SLFN11: variants seen among roughly 807,000 people sequenced by gnomAD.
SLFN11 encodes schlafen family member 11.
A neutral mutation model predicts 53.4 loss-of-function variants in SLFN11; 43 were observed. That is an observed-to-expected ratio of 0.80 (90% CI 0.63 to 1.04). The LOEUF is 1.04. Ranked by LOEUF, SLFN11 falls within the 50% of genes least tolerant of loss-of-function variation. The pLI is 0.00. For synonymous variants in SLFN11, 389 were observed against 394.7 expected (o/e 0.99, Z 0.17); for missense variants, 990 against 1,079.1 (o/e 0.92, Z 1.16).
rs1192539578 is a variant in SLFN11 at position 35,350,996 on chromosome 17, G to A, written c.*1360C>T. 1 of 152,224 alleles carries A rather than the reference G, an allele frequency of 6.6e-6. No homozygotes were observed. The highest frequency in any genetic ancestry group is 2.4e-5 in the African/African-American group (1 of 41,464). The allele number at this position is 152,224 out of a possible 1,614,324, so 9.4% of individuals were successfully genotyped here. A position where few individuals can be genotyped will look rare whatever the true frequency, so the allele number is the denominator to read the frequency against. On this transcript the variant is annotated 3_prime_UTR_variant, in exon 7 of 7. Transcript: ENST00000685675. ...TGTTAAGTATCAGTGTTTTCTGTTT[G>A]ACAAATAATCGTACAGCTGTGTTCT...
intron 5 of SLFN11, among the ~76,000 whole-genome samples, chr17:35,354,473 G>C (rs1470126586): frequency 1.3e-5 from 2 of 152,188 alleles, no homozygotes; most frequent in African/African-American, 4.8e-5. Context: ...ATTGCTGGGA[G>C]TAGCAGGAGC....
In SLFN11 at chr17:35,363,313, A is replaced by C; in HGVS notation, c.495T>G (p.Pro165=). The C allele has an allele frequency of 6.2e-7, 1 of 1,614,014 alleles. No homozygotes were observed. The highest frequency in any genetic ancestry group is 1.1e-5 in the South Asian group (1 of 91,082). The change falls in exon 4 of 7, where the codon CCT becomes CCG. Residue 165 remains proline, a synonymous_variant. Coordinates refer to ENST00000685675, the MANE Select transcript of SLFN11 (RefSeq NM_001376007.1). ...KRKPKILEEG[P]FHKIHKGVYQ... ...ATACACCCTTGTGAATTTTGTGAAAAGGTCCTTCTTCCAAGATTTTTGGCT... is the reference window on the plus strand; with the variant it reads ...ATACACCCTTGTGAATTTTGTGAAACGGTCCTTCTTCCAAGATTTTTGGCT...
In SLFN11 at chr17:35,351,391, C is replaced by T. The variant is rs969545922; in HGVS notation, c.*965G>A. On this transcript the variant is annotated 3_prime_UTR_variant, in exon 7 of 7. Transcript: ENST00000685675. ...GAATTTGGGGGTGAAGGGTGGGACACAAACATTCAGTCCATAACAATGGCC... is the reference window on the plus strand; with the variant it reads ...GAATTTGGGGGTGAAGGGTGGGACATAAACATTCAGTCCATAACAATGGCC... 6.6e-6 allele frequency: 1 copy of T among 151,956 alleles called. No homozygotes were observed. The highest frequency in any genetic ancestry group is 1.5e-5 in the Non-Finnish European group (1 of 68,000). 9.4% of individuals were successfully genotyped at this position (151,956 alleles called of 1,614,324 possible). A position where few individuals can be genotyped will look rare whatever the true frequency, so the allele number is the denominator to read the frequency against.
chr17:35,362,703 G>A, intron 4 of SLFN11, 36 bp downstream of exon 4: 1 of 1,490,378 alleles, frequency 6.7e-7, no homozygotes, highest in Non-Finnish European at 9.0e-7. Context: ...CAAGGATGTA[G>A]AAAGGACAGG....
At chr17:35,357,084 T>C (rs1306232098) in intron 5 of SLFN11, among the ~76,000 whole-genome samples, 1 of 151,820 alleles carries the variant, frequency 6.6e-6, no homozygotes, top group African/African-American at 2.4e-5. Context: ...TTTCAAATGT[T>C]TCAAAGCTGT....
intron 1 of SLFN11, among the ~76,000 whole-genome samples, chr17:35,373,037 C>T (rs977214011): frequency 9.2e-5 from 14 of 152,108 alleles, no homozygotes; most frequent in African/African-American, 3.1e-4. Context: ...TGGTCGGTCA[C>T]ATAGACAGCT....
chr17:35,362,031 G>A (rs1210111381), intron 4 of SLFN11, among the ~76,000 whole-genome samples: 1 of 152,048 alleles, frequency 6.6e-6, no homozygotes, highest in Non-Finnish European at 1.5e-5. Flanking sequence ...ACCAAGCCCA[G>A]CCCAAGAAAG....
chr17:35,360,202 T>C (rs764872114), intron 5 of SLFN11, 41 bp downstream of exon 5: 4 of 1,587,394 alleles, frequency 2.5e-6, no homozygotes, highest in South Asian at 2.3e-5. Flanking sequence ...TTTATCCTAA[T>C]ATAGAAACTG....
intron 5 of SLFN11, among the ~76,000 whole-genome samples, chr17:35,355,323 C>T (rs1412186018): frequency 1.3e-5 from 2 of 152,030 alleles, no homozygotes; most frequent in Non-Finnish European, 2.9e-5. Context: ...TTGCTTGAGC[C>T]AGGGAATTTA....
intron 3 of SLFN11, among the ~76,000 whole-genome samples, chr17:35,365,198 G>A (rs1908804447): frequency 6.6e-6 from 1 of 152,130 alleles, no homozygotes; most frequent in Non-Finnish European, 1.5e-5. Context: ...GGAGGAAGCT[G>A]AAAGAGTCCC....
rs1394359792 is a variant in SLFN11 at position 35,352,659 on chromosome 17, A to G, written c.2403T>C (p.Asp801=). Residue 801 remains aspartate (D), a synonymous_variant, in exon 7 of 7, where the codon GAT becomes GAC. Coordinates refer to ENST00000685675, the MANE Select transcript of SLFN11 (RefSeq NM_001376007.1). ...CAACATCCTTTGGAGAATAGCCCCT[A>G]TCAAAGAAGCGCCTGCACGTGTCTG... ...CVADTCRRFF[D]RGYSPKDVAV... 24 of 1,614,026 alleles carry G rather than the reference A, an allele frequency of 1.5e-5. No homozygotes were observed. The highest frequency in any genetic ancestry group is 1.9e-5 in the Non-Finnish European group (23 of 1,180,032).
chr17:35,369,073 C>T (rs886987347), intron 1 of SLFN11, among the ~76,000 whole-genome samples: 2 of 152,034 alleles, frequency 1.3e-5, no homozygotes, highest in South Asian at 2.1e-4. Flanking sequence ...AGCTGTGGTG[C>T]ATACAGGCAG....
chr17:35,363,744 C>G lies in SLFN11; in HGVS notation c.64G>C (p.Gly22Arg). Residue 22 changes from glycine to arginine, a missense_variant, in exon 4 of 7, where the codon GGA becomes CGA. Transcript: ENST00000685675. ...PSYPDLVINV[G>R]EVTLGEENRK... ...TTTTCTTCTCCAAGAGTCACTTCTC[C>G]TACATTGATGACCAGGTCTGGGTAA... 6.2e-7 allele frequency: 1 copy of G among 1,612,834 alleles called. No individual in the cohort carries two copies. The highest frequency in any genetic ancestry group is 8.5e-7 in the Non-Finnish European group (1 of 1,179,276).
rs1412998219 is a variant in SLFN11 at position 35,360,253 on chromosome 17, A to G, written c.1188T>C (p.Leu396=). ...ACAAACCATAATTACCTGAAAATAA[A>G]AGTTGCTGGAGTTCCTTTTTATGTT... ...GLEHKKELQQ[L]LFSVPPGYLR... is the part of the protein sequence containing the mutation. The change falls in exon 5 of 7, where the codon CTT becomes CTC. Residue 396 remains leucine (L), a synonymous_variant. Coordinates refer to ENST00000685675, the MANE Select transcript of SLFN11 (RefSeq NM_001376007.1). 1.2e-6 allele frequency: 2 copies of G among 1,610,718 alleles called. No homozygotes were observed. Among genetic ancestry groups the G allele is most frequent in the East Asian group, 4.5e-5 (2 of 44,804 alleles).
intron 5 of SLFN11, 45 bp downstream of exon 5, chr17:35,360,198 C>T: frequency 6.3e-7 from 1 of 1,579,274 alleles, no homozygotes; most frequent in Non-Finnish European, 8.6e-7. Context: ...TCCCTTTATC[C>T]TAATATAGAA....
intron 1 of SLFN11, among the ~76,000 whole-genome samples, chr17:35,371,803 C>T (rs1909703436): frequency 6.6e-6 from 1 of 151,948 alleles, no homozygotes; most frequent in Admixed American, 6.6e-5. Flanking sequence ...TGGCTTTTAT[C>T]CAAAAGACGG....
chr17:35,372,174 C>T (rs1010143603), intron 1 of SLFN11, among the ~76,000 whole-genome samples: 6 of 152,112 alleles, frequency 3.9e-5, no homozygotes, highest in Non-Finnish European at 8.8e-5. Flanking sequence ...CTTGCAACAA[C>T]ACGAATGGAA....
At chr17:35,354,175 C>A in intron 5 of SLFN11, 116 bp from the exon 6 acceptor site, 1 of 800,720 alleles carries the variant, frequency 1.2e-6, no homozygotes, top group Non-Finnish European at 1.7e-6. Context: ...GTTTCAAATA[C>A]TATTTTATAA....
At position 35,360,431 on chromosome 17, in the gene SLFN11, C is replaced by T. The variant is rs1046617110; in HGVS notation, c.1070-60G>A. 4 of 1,462,264 alleles carry T rather than the reference C, an allele frequency of 2.7e-6. No individual in the cohort carries two copies. The African/African-American group carries it at 5.8e-5, about 21-fold the overall frequency. 90.6% of individuals were successfully genotyped at this position (1,462,264 alleles called of 1,614,324 possible). On this transcript the variant is annotated intron_variant, in intron 4 of 6. Coordinates refer to ENST00000685675, the MANE Select transcript of SLFN11 (RefSeq NM_001376007.1). ...TAATCTCTTCATACTGAAAGAGGCT[C>T]TATCAGTAGGTGGAATGTGTGACTT...
Sources: gnomAD v4.1 joint callset for allele counts (sites outside exome capture counted in the v4.1 genomes callset) on GRCh38, gnomAD v4.1.1 for gene constraint, MANE v1.5 for transcripts, NCBI Gene and HGNC (gene_info 2026-07-23, HGNC 2026-07-21) for gene names.